XRCC4: variants seen among roughly 807,000 people sequenced by gnomAD.
XRCC4 encodes the protein DNA repair protein XRCC4.
XRCC4 carries 28 observed loss-of-function variants against 39.1 expected under a neutral mutation model. The ratio of observed to expected loss-of-function variants is 0.72; its 90% confidence interval spans 0.53 to 0.98. The LOEUF is 0.98. Among genes scored for constraint, XRCC4 ranks in the 50% least tolerant of loss-of-function variants. The pLI is 0.00. For synonymous variants in XRCC4, 123 were observed against 126.4 expected, an observed-to-expected ratio of 0.97 and a Z score of 0.18; for missense variants, 350 against 376.4, an observed-to-expected ratio of 0.93 and a Z score of 0.58.
intron 6 of XRCC4, among the ~76,000 whole-genome samples, chr5:83,252,813 T>C (rs561845544): frequency 1.3e-5 from 2 of 152,268 alleles, no homozygotes; most frequent in East Asian, 3.9e-4. Flanking sequence ...AAGTAAGTTT[T>C]TGATTAAAAA....
intron 6 of XRCC4, among the ~76,000 whole-genome samples, chr5:83,209,609 C>T (rs1751561669): frequency 6.6e-6 from 1 of 151,894 alleles, no homozygotes; most frequent in African/African-American, 2.4e-5. Flanking sequence ...TCTTGTGAAA[C>T]ATTTTGAAAA....
chr5:83,250,794 A>G (rs1561432561), intron 6 of XRCC4, among the ~76,000 whole-genome samples: 2 of 152,374 alleles, frequency 1.3e-5, no homozygotes, highest in Non-Finnish European at 2.9e-5. Context: ...ATGCTTTCAA[A>G]AAAAGCATCT....
At chr5:83,169,706 T>C (rs1178732588) in intron 3 of XRCC4, among the ~76,000 whole-genome samples, 3 of 152,178 alleles carry the variant, frequency 2.0e-5, no homozygotes, top group Admixed American at 6.5e-5. Flanking sequence ...ACATTTGGTC[T>C]CCTGTGTTCT....
chr5:83,134,238 G>A (rs966847603), intron 3 of XRCC4, among the ~76,000 whole-genome samples: 3 of 152,110 alleles, frequency 2.0e-5, no homozygotes, highest in Non-Finnish European at 4.4e-5. Flanking sequence ...GCAAAGTCCC[G>A]CGGTGAGTGC....
At chr5:83,258,279 G>A (rs962730297) in intron 6 of XRCC4, among the ~76,000 whole-genome samples, 5 of 151,962 alleles carry the variant, frequency 3.3e-5, no homozygotes, top group African/African-American at 1.2e-4. Context: ...CCAAGAACAC[G>A]TTCACCCAGC....
chr5:83,359,227 C>T, the XRCC4 span, among the ~76,000 whole-genome samples: 2 of 152,118 alleles, frequency 1.3e-5, no homozygotes, highest in African/African-American at 2.4e-5. Context: ...GGAAAGACTA[C>T]CTGGAACTGA....
At chr5:83,137,962 G>A (rs6452524) in intron 3 of XRCC4, among the ~76,000 whole-genome samples, 73,478 of 151,964 alleles carry the variant, frequency 0.48, 18,716 homozygotes, top group African/African-American at 0.63. Context: ...ACAGAACATA[G>A]TATCTAGGCC....
At chr5:83,286,130 T>C (rs1754724690) in intron 7 of XRCC4, among the ~76,000 whole-genome samples, 1 of 152,138 alleles carries the variant, frequency 6.6e-6, no homozygotes, top group African/African-American at 2.4e-5. Flanking sequence ...GAAATCTAAA[T>C]GTGACTCTTG....
chr5:83,273,313 G>A (rs1034047080), intron 7 of XRCC4, among the ~76,000 whole-genome samples: 1 of 152,118 alleles, frequency 6.6e-6, no homozygotes, highest in Non-Finnish European at 1.5e-5. Flanking sequence ...TGTAGATTCT[G>A]GATATTAGAC....
rs185876092 is a variant in XRCC4 at position 83,162,652 on chromosome 5, T to C, written c.316-33118T>C. On this transcript the variant is annotated intron_variant, in intron 3 of 7. Transcript: ENST00000396027. ...AACTTTCTCCTTTTTGCTTTTAATA[T>C]ATTTTTTTCTATGTGAATACAGTTA... Among the ~76,000 whole-genome samples, 182 of 152,352 alleles carry C rather than the reference T, an allele frequency of 1.2e-3. 2 individuals carry two copies. In the South Asian group the frequency reaches 0.015, roughly 13 times the overall value.
intron 3 of XRCC4, among the ~76,000 whole-genome samples, chr5:83,167,346 T>G (rs1484148601): frequency 6.6e-6 from 1 of 152,148 alleles, no homozygotes; most frequent in African/African-American, 2.4e-5. Flanking sequence ...GTGATATTCA[T>G]GAAAGTAATG....
intron 3 of XRCC4, among the ~76,000 whole-genome samples, chr5:83,164,618 T>C (rs915377311): frequency 7.2e-5 from 11 of 152,162 alleles, no homozygotes; most frequent in African/African-American, 2.7e-4. Flanking sequence ...GTAATTGATA[T>C]GTTAGTAGCT....
intron 6 of XRCC4, among the ~76,000 whole-genome samples, chr5:83,249,801 G>C (rs1021228639): frequency 6.6e-6 from 1 of 152,100 alleles, no homozygotes; most frequent in African/African-American, 2.4e-5. Flanking sequence ...TCTTGTCCTA[G>C]TTCTAACCAG....
intron 7 of XRCC4, among the ~76,000 whole-genome samples, chr5:83,288,371 C>T (rs939977892): frequency 2.6e-5 from 4 of 151,916 alleles, no homozygotes; most frequent in Non-Finnish European, 5.9e-5. Flanking sequence ...CTATTGAAGC[C>T]TCCAACTCCA....
At chr5:83,159,776 A>G (rs1749121112) in intron 3 of XRCC4, among the ~76,000 whole-genome samples, 2 of 152,180 alleles carry the variant, frequency 1.3e-5, no homozygotes, top group South Asian at 2.1e-4. Flanking sequence ...CAAAATTTAC[A>G]TTTGTAAAAG....
intron 6 of XRCC4, among the ~76,000 whole-genome samples, chr5:83,207,298 C>G (rs1393147448): frequency 6.6e-6 from 1 of 151,796 alleles, no homozygotes; most frequent in Non-Finnish European, 1.5e-5. Flanking sequence ...TGTGTTCAGT[C>G]TATTTTAAGT....
At chr5:83,186,752 A>G (rs1580344301) in intron 3 of XRCC4, among the ~76,000 whole-genome samples, 1 of 152,178 alleles carries the variant, frequency 6.6e-6, no homozygotes, top group African/African-American at 2.4e-5. Flanking sequence ...AAAACAACAT[A>G]AATTTACCAA....
At chr5:83,199,307 G>C (rs971535310) in intron 4 of XRCC4, among the ~76,000 whole-genome samples, 1 of 152,132 alleles carries the variant, frequency 6.6e-6, no homozygotes, top group African/African-American at 2.4e-5. Context: ...TCACGGTATA[G>C]TTGAAGGCCA....
rs544070832 is a variant in XRCC4 at position 83,346,246 on chromosome 5, A to T, written c.894-6885A>T. Among the ~76,000 whole-genome samples, 6 of 152,280 alleles carry T rather than the reference A, an allele frequency of 3.9e-5. No individual in the cohort carries two copies. The South Asian group carries it at 1.0e-3, about 26-fold the overall frequency. On this transcript the variant is annotated intron_variant, in intron 7 of 7. Transcript: ENST00000396027. Reference sequence around the variant, plus strand: ...AAAGTAGTCTATGCTGAACTATTCAAACATAACAAATTCAGATTCAGGAAC... The same window carrying T: ...AAAGTAGTCTATGCTGAACTATTCATACATAACAAATTCAGATTCAGGAAC...
Sources: allele counts gnomAD v4.1 joint callset (sites outside exome capture counted in the v4.1 genomes callset), GRCh38; gene constraint gnomAD v4.1.1; transcripts MANE v1.5; gene names NCBI Gene and HGNC (gene_info 2026-07-23, HGNC 2026-07-21).